ENTREP2: variants seen among roughly 807,000 people sequenced by gnomAD.
The protein encoded by ENTREP2 is protein ENTREP2.
chr15:29,364,367 GGAT>G, the ENTREP2 span, among the ~76,000 whole-genome samples: 2 of 152,188 alleles, frequency 1.3e-5, no homozygotes, highest in African/African-American at 4.8e-5. Flanking sequence ...CTTTTGGCTA[GGAT>G]GATAACAGAG....
chr15:29,619,890 C>A, the ENTREP2 span, among the ~76,000 whole-genome samples: 1 of 152,020 alleles, frequency 6.6e-6, no homozygotes, highest in African/African-American at 2.4e-5. Context: ...CTCTGTGAGC[C>A]CTGTCCTCCC....
chr15:29,433,335 C>T, the ENTREP2 span, among the ~76,000 whole-genome samples: 1 of 152,170 alleles, frequency 6.6e-6, no homozygotes, highest in Non-Finnish European at 1.5e-5. Flanking sequence ...TCAAATGGAC[C>T]ACAGGTGCCC....
At chr15:29,271,147 T>C in the ENTREP2 span, among the ~76,000 whole-genome samples, 1 of 152,190 alleles carries the variant, frequency 6.6e-6, no homozygotes. Flanking sequence ...ATGCAATGAG[T>C]AATAACTTAC....
the ENTREP2 span, among the ~76,000 whole-genome samples, chr15:29,452,145 AACAC>A: frequency 2.6e-5 from 4 of 152,216 alleles, no homozygotes; most frequent in Non-Finnish European, 5.9e-5. Context: ...AGAAATGTTT[AACAC>A]ACACTTTATT....
chr15:29,536,953 G>C, the ENTREP2 span, among the ~76,000 whole-genome samples: 1 of 152,150 alleles, frequency 6.6e-6, no homozygotes, highest in Non-Finnish European at 1.5e-5. Context: ...AGGGAGCACA[G>C]CTCTGTTGAT....
the ENTREP2 span, among the ~76,000 whole-genome samples, chr15:29,635,122 C>T: frequency 2.6e-5 from 4 of 152,174 alleles, no homozygotes; most frequent in African/African-American, 9.7e-5. Context: ...GTATTACAGG[C>T]ATGAGCCACC....
chr15:29,602,117 C>T, the ENTREP2 span, among the ~76,000 whole-genome samples: 2 of 152,296 alleles, frequency 1.3e-5, no homozygotes, highest in African/African-American at 2.4e-5. Context: ...ATCAGAACCA[C>T]GAGAAGCAAA....
the ENTREP2 span, among the ~76,000 whole-genome samples, chr15:29,503,539 T>C: frequency 1.3e-5 from 2 of 152,114 alleles, no homozygotes; most frequent in African/African-American, 2.4e-5. Flanking sequence ...ACTGTGACTA[T>C]ACTAAAAAAA....
chr15:29,224,815 T>C, the ENTREP2 span, among the ~76,000 whole-genome samples: 608 of 152,194 alleles, frequency 4.0e-3, 5 homozygotes, highest in Non-Finnish European at 6.2e-3. Flanking sequence ...CCTTGGGTGG[T>C]CCATGGGACT....
At chr15:29,659,039 C>T in the ENTREP2 span, among the ~76,000 whole-genome samples, 2 of 152,244 alleles carry the variant, frequency 1.3e-5, no homozygotes, top group Non-Finnish European at 2.9e-5. Context: ...CAATTGTTAA[C>T]TGGCAAAATC....
At chr15:29,379,660 C>T in the ENTREP2 span, among the ~76,000 whole-genome samples, 3 of 152,142 alleles carry the variant, frequency 2.0e-5, no homozygotes, top group Non-Finnish European at 4.4e-5. Flanking sequence ...CCCTGGCTTC[C>T]CTGGGACACT....
the ENTREP2 span, among the ~76,000 whole-genome samples, chr15:29,659,348 G>A: frequency 3.9e-5 from 6 of 152,174 alleles, no homozygotes; most frequent in African/African-American, 1.4e-4. Flanking sequence ...GCATGCACCT[G>A]TAATCCCAGC....
At chr15:29,511,033 C>G in the ENTREP2 span, among the ~76,000 whole-genome samples, 1 of 151,862 alleles carries the variant, frequency 6.6e-6, no homozygotes, top group Non-Finnish European at 1.5e-5. Flanking sequence ...CACACTGGGG[C>G]CTGTCGGTGC....
At chr15:29,426,078 T>C in the ENTREP2 span, among the ~76,000 whole-genome samples, 1 of 151,534 alleles carries the variant, frequency 6.6e-6, no homozygotes, top group Non-Finnish European at 1.5e-5. Context: ...TTGATTTATT[T>C]TAATAACAAG....
the ENTREP2 span, among the ~76,000 whole-genome samples, chr15:29,249,787 T>C: frequency 6.6e-6 from 1 of 152,102 alleles, no homozygotes. Context: ...TCATGCAGGC[T>C]GTACAGGAAG....
At chr15:29,196,973 T>G in the ENTREP2 span, among the ~76,000 whole-genome samples, 1 of 152,154 alleles carries the variant, frequency 6.6e-6, no homozygotes, top group Non-Finnish European at 1.5e-5. Context: ...CCTATCAAAC[T>G]CCTGCTCATC....
At chr15:29,619,784 C>A in the ENTREP2 span, among the ~76,000 whole-genome samples, 1 of 152,124 alleles carries the variant, frequency 6.6e-6, no homozygotes, top group East Asian at 1.9e-4. Context: ...CTGATCTCAT[C>A]ACCAGGCTCA....
At chr15:29,659,894 G>T in the ENTREP2 span, among the ~76,000 whole-genome samples, 2 of 151,996 alleles carry the variant, frequency 1.3e-5, no homozygotes, top group South Asian at 2.1e-4. Flanking sequence ...CGCCTCCCAG[G>T]TTCAAGCAAT....
At chr15:29,215,548 G>A in the ENTREP2 span, among the ~76,000 whole-genome samples, 1 of 148,922 alleles carries the variant, frequency 6.7e-6, no homozygotes, top group Non-Finnish European at 1.5e-5. Flanking sequence ...TTGTAATAAT[G>A]TGAATTAATA....
Sources: gnomAD v4.1 joint callset for allele counts (sites outside exome capture counted in the v4.1 genomes callset) on GRCh38, gnomAD v4.1.1 for gene constraint, MANE v1.5 for transcripts, NCBI Gene and HGNC (gene_info 2026-07-23, HGNC 2026-07-21) for gene names.